Variants in DOCK1 observed in about 807,000 individuals in gnomAD.
The protein encoded by DOCK1 is dedicator of cytokinesis 1, also known as dedicator of cytokinesis protein 1.
A neutral mutation model predicts 262.7 loss-of-function variants in DOCK1; 138 were observed. The observed-to-expected ratio is 0.53, with a 90% CI of 0.46 to 0.61. The LOEUF is 0.61. DOCK1 is among the 20% of genes least tolerant of loss of function. DOCK1 has a pLI of 0.00. For missense variants in DOCK1, 1,908 were observed against 2,370.7 expected (o/e 0.80, Z 4.05); for synonymous variants, 866 against 867.4 (o/e 1.00, Z 0.03).
At chr10:126,929,611 C>T (rs1017457106) in intron 1 of DOCK1, among the ~76,000 whole-genome samples, 6 of 151,946 alleles carry the variant, frequency 3.9e-5, no homozygotes, top group African/African-American at 1.4e-4. Flanking sequence ...TACCTGGGCT[C>T]CAGCTTCAGA....
At chr10:127,165,945 G>A (rs748789225) in intron 27 of DOCK1, among the ~76,000 whole-genome samples, 11 of 152,200 alleles carry the variant, frequency 7.2e-5, no homozygotes, top group Non-Finnish European at 1.5e-4. Flanking sequence ...AGATGAATTG[G>A]CATGAACCCT....
At chr10:126,928,479 G>A (rs1022250539) in intron 1 of DOCK1, among the ~76,000 whole-genome samples, 14,354 of 151,908 alleles carry the variant, frequency 0.094, 941 homozygotes, top group South Asian at 0.2. Flanking sequence ...TTAAGAAGAG[G>A]AGGGACACAT....
chr10:127,093,105 C>G (rs1408611605), intron 23 of DOCK1, among the ~76,000 whole-genome samples: 1 of 152,060 alleles, frequency 6.6e-6, no homozygotes, highest in African/African-American at 2.4e-5. Flanking sequence ...GCTGGCAGTC[C>G]TCGATGTGCT....
At chr10:127,157,207 G>C (rs2053167532) in intron 27 of DOCK1, among the ~76,000 whole-genome samples, 1 of 152,206 alleles carries the variant, frequency 6.6e-6, no homozygotes, top group African/African-American at 2.4e-5. Flanking sequence ...AGACCTGGAT[G>C]GTAATGAAAA....
intron 12 of DOCK1, chr10:127,016,049 C>G (rs1051511157): frequency 8.5e-5 from 13 of 152,312 alleles, no homozygotes; most frequent in African/African-American, 3.1e-4. Flanking sequence ...GGATGCCTTG[C>G]AGTGTGCTCA....
chr10:127,215,384 G>T (rs986136968), intron 27 of DOCK1, among the ~76,000 whole-genome samples: 1 of 152,142 alleles, frequency 6.6e-6, no homozygotes, highest in African/African-American at 2.4e-5. Flanking sequence ...TCTGTGGTCC[G>T]CCTGGTGCTA....
chr10:127,163,469 C>T (rs939829359), intron 27 of DOCK1, among the ~76,000 whole-genome samples: 3 of 152,082 alleles, frequency 2.0e-5, no homozygotes, highest in African/African-American at 7.2e-5. Context: ...CAGTGCCCAC[C>T]TCAGGGCCAG....
At chr10:127,261,511 GTGTGTA>G (rs1564945463) in intron 29 of DOCK1, among the ~76,000 whole-genome samples, 19 of 143,738 alleles carry the variant, frequency 1.3e-4, no homozygotes, top group East Asian at 4.4e-4. Context: ...ATGTGGGTGT[GTGTGTA>G]CCTGCATGTG....
chr10:127,106,436 T>G (rs1411916583), intron 24 of DOCK1, 135 bp downstream of exon 24: 1 of 875,452 alleles, frequency 1.1e-6, no homozygotes, highest in Non-Finnish European at 1.7e-6. Flanking sequence ...CTGGAACATG[T>G]GTTGCTGGTG....
intron 27 of DOCK1, among the ~76,000 whole-genome samples, chr10:127,213,098 CT>C (rs2058054274): frequency 6.6e-6 from 1 of 152,170 alleles, no homozygotes; most frequent in Admixed American, 6.5e-5. Flanking sequence ...AGACACCTTA[CT>C]TCTTGTTTGT....
chr10:127,147,169 C>T (rs1320986157), intron 27 of DOCK1, among the ~76,000 whole-genome samples: 1 of 152,150 alleles, frequency 6.6e-6, no homozygotes, highest in Non-Finnish European at 1.5e-5. Context: ...AAGGAACTTG[C>T]CTTCTTTTGG....
chr10:127,176,274 C>T lies in DOCK1; in HGVS notation c.2847+48510C>T, dbSNP rs148136993. The T allele has an allele frequency of 1.8e-5, 29 of 1,614,006 alleles. No homozygotes were observed. Among genetic ancestry groups the T allele is most frequent in the East Asian group, 4.5e-5 (2 of 44,864 alleles). The stretch of plus-strand genomic sequence containing the variant: ...AAACCGCACCTGCAGGGCTTTGTTC[C>T]GTTTTTTAATCTGCCGGTTGGGGTC... On this transcript the variant is annotated intron_variant, in intron 27 of 51. Transcript: ENST00000623213. This position sits in a 1 kb window ranked among gnomAD's most constrained non-coding sequence, Gnocchi z 4.4.
At chr10:127,367,769 G>A (rs369878784) in intron 33 of DOCK1, among the ~76,000 whole-genome samples, 7 of 152,182 alleles carry the variant, frequency 4.6e-5, no homozygotes, top group African/African-American at 9.6e-5. Context: ...GCGACTGGAC[G>A]CTGCATGACG....
At chr10:127,013,032 A>T (rs1214506929) in intron 12 of DOCK1, among the ~76,000 whole-genome samples, 1 of 152,238 alleles carries the variant, frequency 6.6e-6, no homozygotes, top group Non-Finnish European at 1.5e-5. Flanking sequence ...GGTAGAGCTT[A>T]GGTGAACAGA....
At chr10:127,284,763 AATC>A (rs1199444774) in intron 29 of DOCK1, among the ~76,000 whole-genome samples, 4 of 152,244 alleles carry the variant, frequency 2.6e-5, no homozygotes, top group Non-Finnish European at 5.9e-5. Flanking sequence ...AAATAACAGT[AATC>A]ATCATCATCA....
intron 1 of DOCK1, among the ~76,000 whole-genome samples, chr10:126,951,205 AGTG>A (rs1368975445): frequency 6.8e-6 from 1 of 146,734 alleles, no homozygotes; most frequent in African/African-American, 2.5e-5. Context: ...TAGTATTGGT[AGTG>A]GTGGTGGTAA....
chr10:127,435,288 A>G (rs1199155890), intron 48 of DOCK1, among the ~76,000 whole-genome samples: 1 of 152,174 alleles, frequency 6.6e-6, no homozygotes, highest in Non-Finnish European at 1.5e-5. Context: ...TTTTGTTTAC[A>G]ATCCATCACC....
chr10:126,922,372 G>A (rs916480149), intron 1 of DOCK1, among the ~76,000 whole-genome samples: 1 of 152,136 alleles, frequency 6.6e-6, no homozygotes, highest in Non-Finnish European at 1.5e-5. Context: ...CAGGACAAGA[G>A]CAGGAGCAAG....
chr10:127,011,907 G>A (rs1015321366), intron 11 of DOCK1, among the ~76,000 whole-genome samples: 1 of 152,090 alleles, frequency 6.6e-6, no homozygotes, highest in African/African-American at 2.4e-5. Flanking sequence ...GGGATTAAAT[G>A]CCTTTCAACC....
Sources: gnomAD v4.1 joint callset for allele counts (sites outside exome capture counted in the v4.1 genomes callset) on GRCh38, gnomAD v4.1.1 for gene constraint, Gnocchi (gnomAD v3.1) non-coding constraint, MANE v1.5 for transcripts, NCBI Gene and HGNC (gene_info 2026-07-23, HGNC 2026-07-21) for gene names.